Variants in FBXL13 observed in about 807,000 individuals in gnomAD.
The protein encoded by FBXL13 is F-box and leucine rich repeat protein 13, also known as F-box and leucine-rich repeat protein 13.
FBXL13 carries 67 observed loss-of-function variants against 83.6 expected under a neutral mutation model. That is an observed-to-expected ratio of 0.80 (90% confidence interval 0.66 to 0.98). The LOEUF (loss-of-function observed/expected upper bound fraction) is 0.98, where lower values mean the gene tolerates loss of function less well. FBXL13 is among the 50% of genes least tolerant of loss of function. The probability of loss-of-function intolerance (pLI) is 0.00; values close to 1 mark genes in which losing one functional copy is unlikely to be tolerated. For synonymous variants in FBXL13, 272 were observed against 299.5 expected, an observed-to-expected ratio of 0.91 and a Z score of 0.95; for missense variants, 822 against 866.5, an observed-to-expected ratio of 0.95 and a Z score of 0.64.
rs546322983 is a variant in FBXL13 at position 102,998,500 on chromosome 7, T to A, written c.495+26563A>T. Among the ~76,000 whole-genome samples the A allele has an allele frequency of 5.9e-5, 9 of 152,330 alleles. No homozygotes were observed. The South Asian group carries it at 1.7e-3, about 28-fold the overall frequency. ...TAAATTTATTCCTAGATATTTTATA[T>A]TTTTTGCAACTATTGTAAATGGGAT... On this transcript the variant is annotated intron_variant, in intron 6 of 19. Coordinates refer to ENST00000313221, the Ensembl canonical transcript of FBXL13.
intron 2 of FBXL13, among the ~76,000 whole-genome samples, chr7:103,031,920 C>T (rs189660678): frequency 1.5e-4 from 23 of 152,298 alleles, no homozygotes; most frequent in African/African-American, 5.5e-4. Flanking sequence ...CTTAGCCCTC[C>T]ACTCTTACCC....
At chr7:102,949,633 A>G (rs1823102457) in intron 8 of FBXL13, among the ~76,000 whole-genome samples, 2 of 152,242 alleles carry the variant, frequency 1.3e-5, no homozygotes, top group Admixed American at 6.5e-5. Context: ...TCAGGCTTGA[A>G]TGCTCAGTTG....
At chr7:102,831,471 T>C (rs1469455129) in intron 18 of FBXL13, among the ~76,000 whole-genome samples, 1 of 151,430 alleles carries the variant, frequency 6.6e-6, no homozygotes, top group Non-Finnish European at 1.5e-5. Context: ...ATATGAATAG[T>C]GTCAGGGATG....
rs1390291237 is a variant in FBXL13, at chr7:102,924,084, C to T, written c.878+2190G>A. Among the ~76,000 whole-genome samples the T allele has an allele frequency of 2.6e-5, 4 of 151,228 alleles. No individual in the cohort carries two copies. The East Asian group carries it at 7.9e-4, about 30-fold the overall frequency. ...GAGAAACCCCTCTCTACTAAAAATA[C>T]AAAATTAGCCGGGTGTGGTGGCACA... On this transcript the variant is annotated intron_variant, in intron 10 of 19. Transcript: ENST00000313221.
chr7:102,951,311 G>C (rs1171274400), intron 8 of FBXL13, among the ~76,000 whole-genome samples: 2 of 151,166 alleles, frequency 1.3e-5, no homozygotes, highest in Non-Finnish European at 1.5e-5. Context: ...CACTAGCAGA[G>C]GTTGCAGTGA....
intron 1 of FBXL13, among the ~76,000 whole-genome samples, chr7:103,074,017 C>G (rs1331341972): frequency 6.6e-6 from 1 of 152,194 alleles, no homozygotes; most frequent in African/African-American, 2.4e-5. Flanking sequence ...CTTCCTACCC[C>G]CAAACCTACA....
exon 13 of FBXL13, chr7:102,883,595 A>G (rs776704754): frequency 6.2e-6 from 10 of 1,611,292 alleles, no homozygotes; most frequent in Non-Finnish European, 8.5e-6. Flanking sequence ...CTGAGTTTAC[A>G]AGCAGAAAGA....
At chr7:102,848,855 C>A (rs1354575222) in intron 17 of FBXL13, among the ~76,000 whole-genome samples, 4 of 151,976 alleles carry the variant, frequency 2.6e-5, no homozygotes, top group Non-Finnish European at 5.9e-5. Flanking sequence ...AAAAAATTAG[C>A]CAGGCATGAT....
chr7:102,930,820 C>T (rs1373264213), intron 9 of FBXL13, among the ~76,000 whole-genome samples: 1 of 152,180 alleles, frequency 6.6e-6, no homozygotes, highest in Non-Finnish European at 1.5e-5. Flanking sequence ...AGATGTCAAC[C>T]CAAGATGGAA....
chr7:103,068,150 CG>C (rs146217335), intron 1 of FBXL13, among the ~76,000 whole-genome samples: 2,118 of 152,222 alleles, frequency 0.014, 48 homozygotes, highest in African/African-American at 0.047. Flanking sequence ...AGGATGTGAA[CG>C]GAACATCCCT....
chr7:102,884,237 T>C (rs1235359559), exon 12 of FBXL13: 2 of 1,613,514 alleles, frequency 1.2e-6, no homozygotes, highest in Non-Finnish European at 1.7e-6. Flanking sequence ...TCCGTCAGAG[T>C]TGGCATGTCA....
intron 6 of FBXL13, among the ~76,000 whole-genome samples, chr7:102,998,939 G>T (rs1447197344): frequency 1.3e-5 from 2 of 152,032 alleles, no homozygotes; most frequent in Admixed American, 1.3e-4. Context: ...GCTCTGGCTA[G>T]GACTTCCAGT....
At chr7:102,843,311 C>T (rs747372240) in intron 17 of FBXL13, among the ~76,000 whole-genome samples, 73 of 151,920 alleles carry the variant, frequency 4.8e-4, no homozygotes, top group Non-Finnish European at 8.1e-4. Context: ...GGCGTGGTGG[C>T]GCATGCCTGT....
intron 6 of FBXL13, among the ~76,000 whole-genome samples, chr7:103,000,881 A>T (rs1285442515): frequency 6.6e-6 from 1 of 152,104 alleles, no homozygotes; most frequent in African/African-American, 2.4e-5. Flanking sequence ...TGCATCTATT[A>T]TATCTGATAT....
intron 8 of FBXL13, among the ~76,000 whole-genome samples, chr7:102,952,606 AT>A (rs1823588741): frequency 6.6e-6 from 1 of 152,218 alleles, no homozygotes. Flanking sequence ...CTAGAAACAC[AT>A]GAACTACCAA....
intron 8 of FBXL13, among the ~76,000 whole-genome samples, chr7:102,958,006 T>C (rs189372123): frequency 2.9e-4 from 44 of 152,278 alleles, no homozygotes; most frequent in Admixed American, 2.7e-3. Context: ...GAACTAGAAT[T>C]ACCATTTGAC....
At chr7:102,816,796 T>C (rs984685876) in intron 19 of FBXL13, among the ~76,000 whole-genome samples, 8 of 152,216 alleles carry the variant, frequency 5.3e-5, no homozygotes, top group African/African-American at 1.9e-4. Flanking sequence ...GTTCCCAGTG[T>C]TTATTGTTTC....
intron 2 of FBXL13, chr7:103,031,399 T>C (rs1563246604): frequency 6.6e-6 from 1 of 152,226 alleles, no homozygotes; most frequent in Non-Finnish European, 1.5e-5. Flanking sequence ...TCAACAAATA[T>C]ATATGTATTG....
intron 4 of FBXL13, 85 bp from the exon 6 acceptor site, chr7:103,027,643 G>T: frequency 1.3e-6 from 1 of 796,324 alleles, no homozygotes; most frequent in Non-Finnish European, 1.9e-6. Context: ...AGTCTATCAT[G>T]TTTATGAGAC....
Sources: allele counts gnomAD v4.1 joint callset (sites outside exome capture counted in the v4.1 genomes callset), GRCh38; gene constraint gnomAD v4.1.1; transcripts MANE v1.5; gene names NCBI Gene and HGNC (gene_info 2026-07-23, HGNC 2026-07-21).